DOCK5: variants seen among roughly 807,000 people sequenced by gnomAD.
DOCK5 encodes the protein dedicator of cytokinesis protein 5.
DOCK5 carries 142 observed loss-of-function variants against 251.8 expected under a neutral mutation model. That is an observed-to-expected ratio of 0.56 (90% CI 0.49 to 0.65). The LOEUF (loss-of-function observed/expected upper bound fraction) is 0.65. DOCK5 is among the 30% of genes least tolerant of loss of function. The pLI, the probability that DOCK5 is intolerant of heterozygous loss-of-function variation, is 0.00. For missense variants in DOCK5, 2,111 were observed against 2,312.3 expected, an observed-to-expected ratio of 0.91 and a Z score of 1.79; for synonymous variants, 842 against 835.5, an observed-to-expected ratio of 1.01 and a Z score of -0.13.
At chr8:25,254,680 C>A (rs1803364216) in intron 2 of DOCK5, among the ~76,000 whole-genome samples, 1 of 146,850 alleles carries the variant, frequency 6.8e-6, no homozygotes, top group Non-Finnish European at 1.5e-5. Context: ...GAGGCTGAGG[C>A]AGGAGAATTG....
At chr8:25,231,282 G>A (rs771864823) in intron 1 of DOCK5, among the ~76,000 whole-genome samples, 9 of 151,724 alleles carry the variant, frequency 5.9e-5, no homozygotes, top group African/African-American at 9.7e-5. Context: ...TTATTTCTCC[G>A]TTTTCCTTTC....
chr8:25,342,670 GTTGT>G (rs201905917), intron 25 of DOCK5, among the ~76,000 whole-genome samples, 163 bp downstream of exon 25: 2,403 of 124,622 alleles, frequency 0.019, 76 homozygotes, highest in African/African-American at 0.066. Flanking sequence ...CTTGGGTTTT[GTTGT>G]TTGTTTGTTT....
At position 25,389,794 on chromosome 8, in the gene DOCK5, A is replaced by G. The variant is rs552732488; in HGVS notation, c.4274-412A>G. Among the ~76,000 whole-genome samples the G allele has an allele frequency of 4.5e-4, 68 of 152,308 alleles. No individual in the cohort carries two copies. In the Middle Eastern group the frequency reaches 0.01, roughly 23 times the overall value. ...TTCAAAATACCTAGCACAGTGCCCA[A>G]CTATGGCACTGGATAAACAGACGGG... On this transcript the variant is annotated intron_variant, in intron 41 of 51. Transcript: ENST00000276440.
chr8:25,286,932 C>T (rs1804351127), intron 5 of DOCK5, among the ~76,000 whole-genome samples: 3 of 152,138 alleles, frequency 2.0e-5, no homozygotes, highest in Admixed American at 2.0e-4. Flanking sequence ...CTTCCTACCC[C>T]AGCCTCCCAA....
chr8:25,217,176 GGA>G (rs557812748), intron 1 of DOCK5, among the ~76,000 whole-genome samples: 10 of 147,612 alleles, frequency 6.8e-5, no homozygotes, highest in South Asian at 2.1e-4. Flanking sequence ...CCTGTTGTAG[GGA>G]GAGAGAGAGA....
chr8:25,353,135 G>A (rs1336684976), intron 27 of DOCK5, among the ~76,000 whole-genome samples: 1 of 152,112 alleles, frequency 6.6e-6, no homozygotes, highest in African/African-American at 2.4e-5. Context: ...CGAGGAGTTC[G>A]AGACTGGCCT....
intron 1 of DOCK5, among the ~76,000 whole-genome samples, chr8:25,186,622 G>A (rs1208512358): frequency 1.3e-5 from 2 of 151,960 alleles, no homozygotes; most frequent in Non-Finnish European, 2.9e-5. Context: ...CAGGTGATCC[G>A]CCTGCCTCGG....
chr8:25,371,301 C>T (rs1029004312), intron 34 of DOCK5, among the ~76,000 whole-genome samples: 8 of 152,078 alleles, frequency 5.3e-5, no homozygotes, highest in East Asian at 3.9e-4. Context: ...CCACCTGCCT[C>T]GGCCTCCCAA....
rs1233904265 is a variant in DOCK5, at chr8:25,342,501, C to A, written c.2611C>A (p.Gln871Lys). 6.3e-7 allele frequency: 1 copy of A among 1,580,580 alleles called. No individual in the cohort carries two copies. Among genetic ancestry groups the A allele is most frequent in the South Asian group, 1.1e-5 (1 of 86,988 alleles). The change falls in exon 25 of 52, where the codon CAG becomes AAG. Residue 871 changes from glutamine to lysine, a missense_variant. By Grantham distance (53) the Gln-to-Lys change is moderately conservative. This residue lies in a region of DOCK5 where 1,717 missense variants were observed against 1,892.4 expected (regional missense o/e 0.91). Transcript: ENST00000276440. ...GATAGTAGAGAGCACTCTTTTTCGA[C>A]AGTCAGGTAAGTCTCCTTCAAAACT... ...TKIVESTLFR[Q>K]SECREVLLPL...
At chr8:25,265,038 T>C (rs980620934) in intron 2 of DOCK5, among the ~76,000 whole-genome samples, 1 of 151,934 alleles carries the variant, frequency 6.6e-6, no homozygotes, top group African/African-American at 2.4e-5. Flanking sequence ...CACATTGGCA[T>C]CACCATCTCC....
At chr8:25,334,243 G>C in intron 21 of DOCK5, 47 bp downstream of exon 21, 1 of 1,460,144 alleles carries the variant, frequency 6.8e-7, no homozygotes, top group Non-Finnish European at 9.6e-7. Context: ...CTTTGGATTT[G>C]TACTCTTAGG....
At chr8:25,279,420 T>C (rs1160896843) in intron 5 of DOCK5, among the ~76,000 whole-genome samples, 2 of 152,056 alleles carry the variant, frequency 1.3e-5, no homozygotes, top group African/African-American at 4.8e-5. Flanking sequence ...TCAAAGTCTA[T>C]TGGCAGCAAG....
rs556969487 is a variant in DOCK5 at position 25,306,340 on chromosome 8, A to G, written c.1049+2013A>G. ...GCTCTTGTTTTGTGCATAATATAAA[A>G]CACTGCATGCACATACCTATATAAA... On this transcript the variant is annotated intron_variant, in intron 11 of 51. Transcript: ENST00000276440. Among the ~76,000 whole-genome samples, 7 of 152,328 alleles carry G rather than the reference A, an allele frequency of 4.6e-5. No individual in the cohort carries two copies. The East Asian group carries it at 1.4e-3, about 29-fold the overall frequency.
chr8:25,269,964 A>T (rs1415873791), intron 3 of DOCK5, among the ~76,000 whole-genome samples: 2 of 152,208 alleles, frequency 1.3e-5, no homozygotes, highest in African/African-American at 4.8e-5. Flanking sequence ...GGGGCCCAGG[A>T]AAACACCTTT....
At chr8:25,185,029 A>G in intron 1 of DOCK5, 78 bp downstream of exon 1, 1 of 1,266,880 alleles carries the variant, frequency 7.9e-7, no homozygotes, top group Non-Finnish European at 1.0e-6. Flanking sequence ...AGGTTTGCGC[A>G]GAGCCCGGCG....
chr8:25,341,628 C>T lies in DOCK5; in HGVS notation c.2440-111C>T, dbSNP rs562821773. ...CTTTTTATTGTAAGGGTATCTGTGT[C>T]CAGTTCCCTATATAAGTTCCAAGCA... On this transcript the variant is annotated intron_variant, in intron 23 of 51. Transcript: ENST00000276440. 34 of 849,196 alleles carry T rather than the reference C, an allele frequency of 4.0e-5. No homozygotes were observed. In the South Asian group the frequency reaches 4.8e-4, roughly 12 times the overall value. The allele number at this position is 849,196 out of a possible 1,614,324, so 52.6% of individuals were successfully genotyped here.
In DOCK5 at chr8:25,390,266, C is replaced by G. The variant is rs780019024; in HGVS notation, c.4334C>G (p.Pro1445Arg). The change falls in exon 42 of 52, where the codon CCT becomes CGT. Residue 1445 changes from proline to arginine, a missense_variant. This residue lies in a region of DOCK5 where 1,717 missense variants were observed against 1,892.4 expected (regional missense o/e 0.91). Coordinates refer to ENST00000276440, the MANE Select transcript of DOCK5 (RefSeq NM_024940.8). Reference protein sequence around the residue: ...MSLPPSYKDKPVPEQILNYYR... With the variant: ...MSLPPSYKDKRVPEQILNYYR... ...TTGCCGCCCAGCTACAAGGATAAAC[C>G]TGTTCCAGAGCAGATCTTAAAGTAA... 6.3e-7 allele frequency: 1 copy of G among 1,587,046 alleles called. No homozygotes were observed. The highest frequency in any genetic ancestry group is 1.2e-5 in the South Asian group (1 of 86,808).
chr8:25,389,974 G>C (rs1314785520), intron 41 of DOCK5, among the ~76,000 whole-genome samples: 1 of 113,472 alleles, frequency 8.8e-6, no homozygotes, highest in African/African-American at 3.2e-5. Context: ...TTGTTTGCCA[G>C]ATGTCTGACC....
At chr8:25,260,175 C>A (rs574146150) in intron 2 of DOCK5, among the ~76,000 whole-genome samples, 2 of 151,670 alleles carry the variant, frequency 1.3e-5, no homozygotes, top group African/African-American at 2.4e-5. Flanking sequence ...GACAGCTCAC[C>A]GGGGATGGGA....
Sources: allele counts gnomAD v4.1 joint callset (sites outside exome capture counted in the v4.1 genomes callset), GRCh38; gene constraint gnomAD v4.1.1; regional missense constraint gnomAD v4.1.1; transcripts MANE v1.5; gene names NCBI Gene and HGNC (gene_info 2026-07-23, HGNC 2026-07-21).